Variants in STAB2 observed in about 807,000 individuals in gnomAD.
The protein encoded by STAB2 is stabilin 2, also known as stabilin-2.
A neutral mutation model predicts 338.1 loss-of-function variants in STAB2; 288 were observed. The observed-to-expected ratio is 0.85, with a 90% CI of 0.77 to 0.94. The LOEUF (loss-of-function observed/expected upper bound fraction) is 0.94, where lower values mean the gene tolerates loss of function less well. Ranked by LOEUF, STAB2 falls within the 40% of genes least tolerant of loss-of-function variation. The pLI, the probability that STAB2 is intolerant of heterozygous loss-of-function variation, is 0.00. For missense variants in STAB2, 3,141 were observed against 3,210.1 expected (o/e 0.98, Z 0.52); for synonymous variants, 1,202 against 1,193.3 (o/e 1.01, Z -0.15).
intron 27 of STAB2, among the ~76,000 whole-genome samples, chr12:103,685,455 CGCGTGCGTGTGTGT>C (rs985468729): frequency 3.8e-5 from 5 of 131,958 alleles, no homozygotes; most frequent in Non-Finnish European, 8.3e-5. Context: ...TGTGTGTGTG[CGCGTGCGTGTGTGT>C]GTGCGTGCGC....
chr12:103,620,868 G>A (rs746985981), intron 4 of STAB2, among the ~76,000 whole-genome samples: 1 of 152,140 alleles, frequency 6.6e-6, no homozygotes, highest in Non-Finnish European at 1.5e-5. Context: ...GAGGCCGAGT[G>A]GGGGAGGATC....
chr12:103,622,016 T>A, intron 4 of STAB2, 26 bp from the exon 5 acceptor site: 2 of 1,613,870 alleles, frequency 1.2e-6, no homozygotes, highest in Non-Finnish European at 1.7e-6. Context: ...TTGGGTCTAA[T>A]GTCAACCACC....
intron 44 of STAB2, among the ~76,000 whole-genome samples, chr12:103,719,041 A>G (rs1235174494): frequency 6.6e-6 from 1 of 152,212 alleles, no homozygotes; most frequent in Non-Finnish European, 1.5e-5. Flanking sequence ...GACCCATGTT[A>G]TGCAAACGAG....
At chr12:103,687,652 G>C (rs1380990323) in intron 27 of STAB2, among the ~76,000 whole-genome samples, 1 of 152,180 alleles carries the variant, frequency 6.6e-6, no homozygotes, top group Admixed American at 6.5e-5. Flanking sequence ...CAAACTGTGA[G>C]TTGGAGCTTT....
Position 103,638,288 on chromosome 12 carries a change from T to G in STAB2, c.906+76T>G. 9 of 1,471,182 alleles carry G rather than the reference T, an allele frequency of 6.1e-6. 1 individual carries two copies. In the South Asian group the frequency reaches 1.1e-4, roughly 17 times the overall value. The allele number at this position is 1,471,182 out of a possible 1,614,324, so 91.1% of individuals were successfully genotyped here. A position where few individuals can be genotyped will look rare whatever the true frequency, so the allele number is the denominator to read the frequency against. On this transcript the variant is annotated intron_variant, in intron 8 of 68. Transcript: ENST00000388887. ...TATGTGTCACAGGTATCATTTGTCTTCTATGCCATCCCAATTCTCCCTTTC... is the reference window on the plus strand; with the variant it reads ...TATGTGTCACAGGTATCATTTGTCTGCTATGCCATCCCAATTCTCCCTTTC...
At chr12:103,599,633 A>T (rs1184407551) in intron 3 of STAB2, among the ~76,000 whole-genome samples, 2 of 152,226 alleles carry the variant, frequency 1.3e-5, no homozygotes, top group Non-Finnish European at 2.9e-5. Flanking sequence ...ACTTATGCTA[A>T]AACAATATTC....
At chr12:103,650,679 A>G in intron 11 of STAB2, 101 bp downstream of exon 11, 1 of 919,000 alleles carries the variant, frequency 1.1e-6, no homozygotes, top group Non-Finnish European at 1.7e-6. Context: ...TTAAAATTAA[A>G]CCTACTGATG....
chr12:103,708,228 C>T (rs367955285), intron 38 of STAB2, among the ~76,000 whole-genome samples: 2 of 152,320 alleles, frequency 1.3e-5, no homozygotes, highest in East Asian at 3.9e-4. Flanking sequence ...GTCTGAGCCA[C>T]TTCATTGAAG....
At position 103,742,418 on chromosome 12, in the gene STAB2, A is replaced by AC. The variant is rs1229547107; in HGVS notation, c.5897dup (p.Asp1967ArgfsTer5). The AC allele has an allele frequency of 6.2e-7, 1 of 1,613,998 alleles. No individual in the cohort carries two copies. Among genetic ancestry groups the AC allele is most frequent in the East Asian group, 2.2e-5 (1 of 44,880 alleles). On this transcript the variant is annotated frameshift_variant, in exon 56 of 69. Coordinates refer to ENST00000388887, the MANE Select transcript of STAB2 (RefSeq NM_017564.10). LOFTEE classifies it high-confidence loss of function. Reference sequence around the variant, plus strand: ...CATCTCTTCCAGCCTGCCCTGGAGGACCAGATGCCCCGTGTAATAACCGGG... The same window carrying AC: ...CATCTCTTCCAGCCTGCCCTGGAGGACCCAGATGCCCCGTGTAATAACCGGG...
At chr12:103,750,277 A>G (rs1429540962) in intron 59 of STAB2, among the ~76,000 whole-genome samples, 1 of 152,196 alleles carries the variant, frequency 6.6e-6, no homozygotes, top group Non-Finnish European at 1.5e-5. Context: ...GAGCACAAGG[A>G]GCCCTGTGAA....
intron 21 of STAB2, among the ~76,000 whole-genome samples, chr12:103,670,149 AG>A (rs140375342): frequency 0.055 from 8,315 of 152,158 alleles, 226 homozygotes; most frequent in African/African-American, 0.065. Context: ...GGCTTTTTCA[AG>A]GGGAAAGTAT....
At chr12:103,740,841 A>T in intron 55 of STAB2, 85 bp downstream of exon 55, 1 of 1,465,092 alleles carries the variant, frequency 6.8e-7, no homozygotes, top group Non-Finnish European at 9.0e-7. Flanking sequence ...TACCAAAATT[A>T]TAGGGGGATG....
intron 23 of STAB2, among the ~76,000 whole-genome samples, chr12:103,675,422 G>T (rs1201507342): frequency 6.6e-6 from 1 of 152,218 alleles, no homozygotes; most frequent in African/African-American, 2.4e-5. Flanking sequence ...TCACCTGATT[G>T]TCATTTTCAA....
intron 23 of STAB2, 30 bp from the exon 24 acceptor site, chr12:103,675,898 G>T (rs1170346124): frequency 2.5e-6 from 4 of 1,571,112 alleles, no homozygotes; most frequent in Non-Finnish European, 3.5e-6. Context: ...TGCTTATTCT[G>T]GGGCTGATAT....
At chr12:103,628,937 C>A (rs1011310561) in intron 5 of STAB2, among the ~76,000 whole-genome samples, 1 of 152,224 alleles carries the variant, frequency 6.6e-6, no homozygotes, top group African/African-American at 2.4e-5. Context: ...TCTGCACTTG[C>A]ACAACCCTGT....
chr12:103,663,037 C>A, intron 18 of STAB2, 39 bp downstream of exon 18: 1 of 1,609,150 alleles, frequency 6.2e-7, no homozygotes, highest in Non-Finnish European at 8.5e-7. Flanking sequence ...CCCCAAACAG[C>A]CCCTCAGAGC....
At chr12:103,620,667 A>G (rs1418877744) in intron 4 of STAB2, 114 bp downstream of exon 4, 4 of 912,086 alleles carry the variant, frequency 4.4e-6, no homozygotes, top group East Asian at 2.7e-5. Flanking sequence ...GCACACACAC[A>G]TATACAGCGA....
intron 58 of STAB2, 107 bp downstream of exon 58, chr12:103,746,811 A>G: frequency 1.9e-6 from 2 of 1,047,958 alleles, no homozygotes; most frequent in East Asian, 2.4e-5. Context: ...TGTCTGGGCC[A>G]CTTCAGCAGC....
chr12:103,721,286 C>T (rs1002574192), intron 44 of STAB2, among the ~76,000 whole-genome samples: 1 of 152,160 alleles, frequency 6.6e-6, no homozygotes, highest in Admixed American at 6.5e-5. Context: ...AAGAAGCGGG[C>T]AGCCACATGA....
Sources: gnomAD v4.1 joint callset for allele counts (sites outside exome capture counted in the v4.1 genomes callset) on GRCh38, gnomAD v4.1.1 for gene constraint, MANE v1.5 for transcripts, NCBI Gene and HGNC (gene_info 2026-07-23, HGNC 2026-07-21) for gene names.